Variants in DDAH1 observed in about 807,000 individuals in gnomAD.
DDAH1 encodes dimethylarginine dimethylaminohydrolase 1.
DDAH1 carries 19 observed loss-of-function variants against 28.8 expected under a neutral mutation model. The observed-to-expected ratio is 0.66, with a 90% CI of 0.46 to 0.97. The LOEUF is 0.97. Ranked by LOEUF, DDAH1 falls within the 50% of genes least tolerant of loss-of-function variation. The pLI, the probability that DDAH1 is intolerant of heterozygous loss-of-function variation, is 0.00. For missense variants in DDAH1, 326 were observed against 375.9 expected (o/e 0.87, Z 1.10); for synonymous variants, 153 against 154.4 (o/e 0.99, Z 0.07).
At chr1:85,397,343 G>C (rs1054808043) in intron 1 of DDAH1, among the ~76,000 whole-genome samples, 29 of 152,196 alleles carry the variant, frequency 1.9e-4, no homozygotes, top group African/African-American at 7.0e-4. Flanking sequence ...GATAGCACTG[G>C]ATTGGGTAAG....
intron 1 of DDAH1, among the ~76,000 whole-genome samples, chr1:85,460,417 T>A (rs1038796007): frequency 1.3e-5 from 2 of 152,202 alleles, no homozygotes; most frequent in East Asian, 3.8e-4. Flanking sequence ...AAGAGGCCCC[T>A]ACAAATGCAA....
At chr1:85,410,195 C>T (rs190514054) in intron 1 of DDAH1, among the ~76,000 whole-genome samples, 1 of 152,122 alleles carries the variant, frequency 6.6e-6, no homozygotes, top group Non-Finnish European at 1.5e-5. Flanking sequence ...GTGGGATAAT[C>T]GCCTGAGCCT....
At chr1:85,340,750 A>C (rs541553833) in intron 4 of DDAH1, among the ~76,000 whole-genome samples, 1 of 150,812 alleles carries the variant, frequency 6.6e-6, no homozygotes, top group Non-Finnish European at 1.5e-5. Flanking sequence ...TTCAGCTTCT[A>C]CTCCTCTGCT....
chr1:85,408,573 T>C (rs547312455), intron 1 of DDAH1, among the ~76,000 whole-genome samples: 2 of 152,344 alleles, frequency 1.3e-5, no homozygotes, highest in African/African-American at 4.8e-5. Flanking sequence ...CATTTCATTT[T>C]TAAAATTGCT....
intron 1 of DDAH1, among the ~76,000 whole-genome samples, chr1:85,435,645 A>T (rs1417522556): frequency 6.6e-6 from 1 of 152,228 alleles, no homozygotes; most frequent in Non-Finnish European, 1.5e-5. Context: ...TTTAAATAAT[A>T]AAGTGGTCTG....
chr1:85,452,943 C>T (rs1654730131), intron 1 of DDAH1, among the ~76,000 whole-genome samples: 1 of 152,136 alleles, frequency 6.6e-6, no homozygotes, highest in Admixed American at 6.5e-5. Context: ...CAAGCATTCA[C>T]AAGCAGAGCA....
intron 1 of DDAH1, among the ~76,000 whole-genome samples, chr1:85,566,266 G>A (rs563747983): frequency 6.6e-6 from 1 of 152,138 alleles, no homozygotes; most frequent in African/African-American, 2.4e-5. Flanking sequence ...AACACTTTGG[G>A]AGGTCAAGAT....
chr1:85,387,464 G>A (rs549646020), intron 1 of DDAH1, among the ~76,000 whole-genome samples: 1 of 152,268 alleles, frequency 6.6e-6, no homozygotes, highest in Admixed American at 6.5e-5. Flanking sequence ...TGGACACAAT[G>A]CTGCCGAGAT....
chr1:85,495,237 A>G (rs996885107), intron 2 of DDAH1: 3 of 151,302 alleles, frequency 2.0e-5, no homozygotes, highest in African/African-American at 7.3e-5. Flanking sequence ...CAAGGAATTT[A>G]CAATCTGGCT....
At chr1:85,333,957 A>C (rs961548906) in intron 4 of DDAH1, among the ~76,000 whole-genome samples, 42 of 152,302 alleles carry the variant, frequency 2.8e-4, no homozygotes, top group South Asian at 4.1e-4. Context: ...ATACAACCCC[A>C]AAAAAATCTT....
intron 2 of DDAH1, among the ~76,000 whole-genome samples, chr1:85,475,368 C>T (rs1655761306): frequency 6.6e-6 from 1 of 152,148 alleles, no homozygotes; most frequent in African/African-American, 2.4e-5. Flanking sequence ...ATATGCAAAG[C>T]ATAGCAATAG....
chr1:85,447,811 A>G (rs1654502327), intron 1 of DDAH1: 1 of 152,228 alleles, frequency 6.6e-6, no homozygotes, highest in Non-Finnish European at 1.5e-5. Flanking sequence ...AATCCTTGAC[A>G]GAAACACTGG....
At chr1:85,349,432 G>A (rs1268106300) in intron 4 of DDAH1, among the ~76,000 whole-genome samples, 1 of 151,874 alleles carries the variant, frequency 6.6e-6, no homozygotes, top group Non-Finnish European at 1.5e-5. Flanking sequence ...GAGCCTCAGG[G>A]CCCACAGATT....
intron 2 of DDAH1, among the ~76,000 whole-genome samples, chr1:85,479,911 T>C (rs1223156338): frequency 6.6e-6 from 1 of 152,218 alleles, no homozygotes; most frequent in Non-Finnish European, 1.5e-5. Flanking sequence ...ACTATACCCA[T>C]CTTACACATA....
intron 1 of DDAH1, among the ~76,000 whole-genome samples, chr1:85,553,722 G>A (rs2100797154): frequency 6.6e-6 from 1 of 152,322 alleles, no homozygotes; most frequent in Non-Finnish European, 1.5e-5. Flanking sequence ...TGAATCCACT[G>A]CATCTGGGGA....
intron 4 of DDAH1, among the ~76,000 whole-genome samples, chr1:85,348,068 G>A (rs962325672): frequency 5.9e-5 from 9 of 152,194 alleles, no homozygotes; most frequent in Admixed American, 2.0e-4. Context: ...AATCTCCAAC[G>A]AATGCCTTTC....
Position 85,527,470 on chromosome 1 carries a change from G to A in DDAH1, c.-122-31189C>T, listed in dbSNP as rs530152560. ...CTTTATGGTTCATGATGAAGAATGG[G>A]AAAAGCAGTACTATAATGTTAGGCA... is the stretch of plus-strand genomic sequence containing the variant. On this transcript the variant is annotated intron_variant, in intron 1 of 6. Coordinates refer to the DDAH1 transcript ENST00000426972. 2.6e-5 allele frequency among the ~76,000 whole-genome samples: 4 copies of A among 152,326 alleles called. No individual in the cohort carries two copies. In the South Asian group the frequency reaches 8.3e-4, roughly 32 times the overall value.
At chr1:85,413,641 A>C (rs1052575433) in intron 1 of DDAH1, among the ~76,000 whole-genome samples, 2 of 152,274 alleles carry the variant, frequency 1.3e-5, no homozygotes, top group African/African-American at 4.8e-5. Context: ...GATATTTATC[A>C]CTGAAAGTCT....
At chr1:85,361,598 G>T (rs1315539345) in intron 1 of DDAH1, among the ~76,000 whole-genome samples, 1 of 152,202 alleles carries the variant, frequency 6.6e-6, no homozygotes, top group Non-Finnish European at 1.5e-5. Flanking sequence ...AGTATATACA[G>T]TAATTTTCAT....
Sources: gnomAD v4.1 joint callset for allele counts (sites outside exome capture counted in the v4.1 genomes callset) on GRCh38, gnomAD v4.1.1 for gene constraint, MANE v1.5 for transcripts, NCBI Gene and HGNC (gene_info 2026-07-23, HGNC 2026-07-21) for gene names.